NBEA: variants seen among roughly 807,000 people sequenced by gnomAD.
The protein encoded by NBEA is neurobeachin, also known as lysosomal-trafficking regulator 2.
Under a neutral mutation model 343.4 loss-of-function variants are expected in NBEA, and 44 were observed. The ratio of observed to expected loss-of-function variants is 0.13; its 90% confidence interval spans 0.10 to 0.16. The LOEUF (loss-of-function observed/expected upper bound fraction) is 0.16. NBEA is among the 10% of genes least tolerant of loss of function. NBEA has a pLI of 1.00. For missense variants in NBEA, 2,555 were observed against 3,631.3 expected (o/e 0.70, Z 7.62); for synonymous variants, 1,175 against 1,238.7 (o/e 0.95, Z 1.08).
intron 10 of NBEA, among the ~76,000 whole-genome samples, chr13:35,078,383 C>T (rs1188595458): frequency 6.6e-6 from 1 of 152,172 alleles, no homozygotes; most frequent in Non-Finnish European, 1.5e-5. Flanking sequence ...GCTGTGTTCC[C>T]TGTGTCTTCT....
intron 10 of NBEA, among the ~76,000 whole-genome samples, chr13:35,092,490 A>C (rs1251418373): frequency 6.6e-6 from 1 of 152,068 alleles, no homozygotes; most frequent in African/African-American, 2.4e-5. Context: ...TTATGTCAAG[A>C]ATAAATAAAG....
intron 34 of NBEA, among the ~76,000 whole-genome samples, chr13:35,256,173 A>G (rs558450369): frequency 1.3e-4 from 20 of 152,194 alleles, no homozygotes; most frequent in African/African-American, 2.2e-4. Flanking sequence ...GGTAACTCCT[A>G]TGCACAGGCA....
Position 35,071,015 on chromosome 13 carries a change from A to G in NBEA, c.1571+163A>G, listed in dbSNP as rs1593248570. 8 of 625,716 alleles carry G rather than the reference A, an allele frequency of 1.3e-5. No homozygotes were observed. In the East Asian group the frequency reaches 2.7e-4, roughly 21 times the overall value. The allele number at this position is 625,716 out of a possible 1,614,324, so 38.8% of individuals were successfully genotyped here. A position where few individuals can be genotyped will look rare whatever the true frequency, so the allele number is the denominator to read the frequency against. ...ATGGAGATAGATATTTATACAATAA[A>G]TAAAGAAAACGCTGACATTTAGGTT... is the stretch of plus-strand genomic sequence containing the variant. On this transcript the variant is annotated intron_variant, in intron 10 of 58. Transcript: ENST00000379939.
intron 41 of NBEA, among the ~76,000 whole-genome samples, chr13:35,485,695 A>C (rs2076281018): frequency 6.6e-6 from 1 of 152,114 alleles, no homozygotes; most frequent in Admixed American, 6.6e-5. Context: ...CAGATTGCAG[A>C]GCTTGCAGGC....
At chr13:35,374,899 C>G (rs2041653923) in intron 38 of NBEA, among the ~76,000 whole-genome samples, 1 of 151,958 alleles carries the variant, frequency 6.6e-6, no homozygotes, top group Non-Finnish European at 1.5e-5. Flanking sequence ...TGTACTTTTA[C>G]AAATACACAG....
At chr13:35,573,142 A>G (rs2080525882) in intron 45 of NBEA, among the ~76,000 whole-genome samples, 1 of 152,218 alleles carries the variant, frequency 6.6e-6, no homozygotes, top group South Asian at 2.1e-4. Flanking sequence ...TGTTTTCATT[A>G]GACTTGCTAA....
At chr13:35,352,052 T>C (rs1255246277) in intron 37 of NBEA, 105 bp from the exon 38 acceptor site, 2 of 599,458 alleles carry the variant, frequency 3.3e-6, no homozygotes, top group Admixed American at 4.3e-5. Flanking sequence ...ATTATTTGAG[T>C]TTTAAAAAGT....
chr13:35,250,014 T>C (rs1198288723), intron 34 of NBEA, among the ~76,000 whole-genome samples: 2 of 152,174 alleles, frequency 1.3e-5, no homozygotes, highest in African/African-American at 4.8e-5. Context: ...ACACAAGTTA[T>C]CTAGAGTAGT....
intron 47 of NBEA, among the ~76,000 whole-genome samples, chr13:35,605,783 G>C (rs1294777781): frequency 7.2e-5 from 11 of 152,088 alleles, no homozygotes; most frequent in Non-Finnish European, 1.6e-4. Context: ...AGTAACACAA[G>C]TTGTCTTTGC....
At chr13:35,331,214 T>C (rs183871499) in intron 36 of NBEA, among the ~76,000 whole-genome samples, 4 of 152,038 alleles carry the variant, frequency 2.6e-5, no homozygotes, top group African/African-American at 9.7e-5. Context: ...CTTCGTGACT[T>C]ACTTTTGAGA....
chr13:35,667,323 T>C lies in NBEA; in HGVS notation c.8465-51T>C, dbSNP rs369348695. ...GTTTTCAGGTTGGTGGGAGCTAGTA[T>C]GTCGTTTGTCGTCCCCAACTGACCC... On this transcript the variant is annotated intron_variant, in intron 56 of 58. Coordinates refer to ENST00000379939, the MANE Select transcript of NBEA (RefSeq NM_001385012.1). The C allele has an allele frequency of 4.0e-6, 6 of 1,483,484 alleles. No individual in the cohort carries two copies. The African/African-American group carries it at 8.3e-5, about 21-fold the overall frequency. The allele number at this position is 1,483,484 out of a possible 1,614,324, so 91.9% of individuals were successfully genotyped here. A position where few individuals can be genotyped will look rare whatever the true frequency, so the allele number is the denominator to read the frequency against.
At chr13:35,052,310 C>T (rs2063091664) in intron 6 of NBEA, among the ~76,000 whole-genome samples, 1 of 151,908 alleles carries the variant, frequency 6.6e-6, no homozygotes, top group Non-Finnish European at 1.5e-5. Flanking sequence ...TTTTGCTTTC[C>T]CAGCTGTACC....
chr13:35,000,536 G>T (rs555715102), intron 1 of NBEA, among the ~76,000 whole-genome samples: 2 of 151,146 alleles, frequency 1.3e-5, no homozygotes, highest in African/African-American at 4.9e-5. Context: ...GATTATAAGA[G>T]ATACACACAC....
At chr13:34,995,604 C>T (rs2060912459) in intron 1 of NBEA, among the ~76,000 whole-genome samples, 1 of 151,950 alleles carries the variant, frequency 6.6e-6, no homozygotes, top group African/African-American at 2.4e-5. Flanking sequence ...GGACAGAAAA[C>T]AGAGTGGGAC....
chr13:35,016,726 A>G (rs2061672880), intron 1 of NBEA, among the ~76,000 whole-genome samples: 10 of 152,204 alleles, frequency 6.6e-5, no homozygotes, highest in Admixed American at 5.2e-4. Flanking sequence ...TAATGGAGAC[A>G]TACGGTATTT....
intron 30 of NBEA, among the ~76,000 whole-genome samples, chr13:35,188,900 C>CT (rs2071943176): frequency 1.5e-5 from 2 of 137,804 alleles, no homozygotes; most frequent in African/African-American, 5.4e-5. Context: ...CTATATTTTA[C>CT]TTTTTGTTTT....
intron 39 of NBEA, among the ~76,000 whole-genome samples, chr13:35,432,620 A>G (rs1446702074): frequency 6.6e-6 from 1 of 152,094 alleles, no homozygotes; most frequent in Non-Finnish European, 1.5e-5. Flanking sequence ...TTTAAGAGCT[A>G]AATGGACTTC....
chr13:35,350,730 G>A (rs1257804862), intron 37 of NBEA, among the ~76,000 whole-genome samples: 1 of 53,500 alleles, frequency 1.9e-5, no homozygotes. Context: ...AGCTATTGAT[G>A]TGTGTGTGTG....
chr13:35,501,531 A>T (rs1156355245), intron 41 of NBEA, among the ~76,000 whole-genome samples: 2 of 152,132 alleles, frequency 1.3e-5, no homozygotes, highest in Non-Finnish European at 2.9e-5. Context: ...CAAAGAATTG[A>T]GAGTGAGTAA....
Sources: gnomAD v4.1 joint callset for allele counts (sites outside exome capture counted in the v4.1 genomes callset) on GRCh38, gnomAD v4.1.1 for gene constraint, MANE v1.5 for transcripts, NCBI Gene and HGNC (gene_info 2026-07-23, HGNC 2026-07-21) for gene names.